The following RBFOX1 variants were observed in gnomAD, a reference collection of about 807,000 sequenced individuals.
The protein encoded by RBFOX1 is RNA binding fox-1 homolog 1.
Under a neutral mutation model 57.7 loss-of-function variants are expected in RBFOX1, and 8 were observed. The observed-to-expected ratio is 0.14, with a 90% CI of 0.08 to 0.25. RBFOX1 has a LOEUF of 0.25. Ranked by LOEUF, RBFOX1 falls within the 10% of genes least tolerant of loss-of-function variation. RBFOX1 has a pLI of 1.00. For missense variants in RBFOX1, 611 were observed against 548.5 expected (o/e 1.11, Z -1.14); for synonymous variants, 326 against 222.4 (o/e 1.47, Z -4.15).
intron 4 of RBFOX1, among the ~76,000 whole-genome samples, chr16:7,294,226 G>A (rs891102650): frequency 1.3e-5 from 2 of 151,982 alleles, no homozygotes; most frequent in African/African-American, 2.4e-5. Flanking sequence ...TGTCTCTGCC[G>A]CCTACCCTTC....
intron 2 of RBFOX1, among the ~76,000 whole-genome samples, chr16:6,593,359 C>G (rs1471009452): frequency 6.6e-6 from 1 of 152,160 alleles, no homozygotes; most frequent in Admixed American, 6.5e-5. Context: ...GGGTTAAAAT[C>G]ATGCGGAATC....
chr16:5,443,046 G>T (rs919985738), intron 1 of RBFOX1, among the ~76,000 whole-genome samples: 7 of 152,184 alleles, frequency 4.6e-5, no homozygotes, highest in African/African-American at 1.7e-4. Context: ...GAGACTGAAA[G>T]AGGCAAGGAA....
intron 4 of RBFOX1, among the ~76,000 whole-genome samples, chr16:7,157,140 C>A (rs568158778): frequency 6.6e-6 from 1 of 152,152 alleles, no homozygotes; most frequent in South Asian, 2.1e-4. Flanking sequence ...TTCTCATTGG[C>A]ACAGGATAAG....
At position 5,713,826 on chromosome 16, in the gene RBFOX1, T is replaced by A. The variant is rs539081105; in HGVS notation, c.318+114865T>A. On this transcript the variant is annotated intron_variant, in intron 3 of 19. Transcript: ENST00000641259. ...AGCTAGAACTCTGAGGGCTTGACCA[T>A]GTAGACAGTGAAGTACAAAGACTCG... Among the ~76,000 whole-genome samples the A allele has an allele frequency of 6.6e-5, 10 of 152,288 alleles. No homozygotes were observed. The East Asian group carries it at 1.9e-3, about 29-fold the overall frequency.
rs572863513 is a variant in RBFOX1, at chr16:7,397,443, G to A, written c.28-120704G>A. On this transcript the variant is annotated intron_variant, in intron 4 of 15. Coordinates refer to ENST00000550418, the MANE Select transcript of RBFOX1 (RefSeq NM_018723.4). ...GTTAATTCCTCATACTTGTCACATA[G>A]GGGGCATACTAAGTCTTCCTGAGAT... Among the ~76,000 whole-genome samples the A allele has an allele frequency of 2.0e-5, 3 of 152,206 alleles. No homozygotes were observed. The South Asian group carries it at 6.2e-4, about 32-fold the overall frequency.
At chr16:5,730,545 T>G (rs564441817) in intron 3 of RBFOX1, among the ~76,000 whole-genome samples, 2 of 152,280 alleles carry the variant, frequency 1.3e-5, no homozygotes, top group East Asian at 3.9e-4. Flanking sequence ...ATAATACTAA[T>G]AATCATCACC....
At chr16:6,858,803 G>T (rs1392975741) in intron 3 of RBFOX1, among the ~76,000 whole-genome samples, 1 of 151,924 alleles carries the variant, frequency 6.6e-6, no homozygotes, top group East Asian at 1.9e-4. Flanking sequence ...TTAGAGCAGT[G>T]GCATTCGCCT....
intron 4 of RBFOX1, among the ~76,000 whole-genome samples, chr16:5,891,938 G>T (rs151237659): frequency 1.1e-4 from 17 of 152,338 alleles, no homozygotes; most frequent in African/African-American, 4.1e-4. Flanking sequence ...TCAACAAGAA[G>T]ACGATGTCTC....
chr16:6,912,650 G>C (rs562332949), intron 3 of RBFOX1, among the ~76,000 whole-genome samples: 1 of 149,294 alleles, frequency 6.7e-6, no homozygotes, highest in Non-Finnish European at 1.5e-5. Context: ...AGGTCTCACT[G>C]TGTCATCCAG....
intron 3 of RBFOX1, among the ~76,000 whole-genome samples, chr16:5,641,807 C>T (rs909411668): frequency 6.6e-6 from 1 of 152,192 alleles, no homozygotes; most frequent in South Asian, 2.1e-4. Context: ...GTATGCTCTT[C>T]CTATGGCATT....
At chr16:7,365,951 G>A (rs17143488) in intron 4 of RBFOX1, among the ~76,000 whole-genome samples, 16,009 of 152,152 alleles carry the variant, frequency 0.11, 1,097 homozygotes, top group African/African-American at 0.2. Flanking sequence ...ATGGTGGGAA[G>A]TATGGCTGCT....
intron 4 of RBFOX1, among the ~76,000 whole-genome samples, chr16:7,230,430 A>C (rs759093073): frequency 2.2e-4 from 33 of 152,130 alleles, no homozygotes; most frequent in Non-Finnish European, 4.3e-4. Context: ...GCCTGCCTCT[A>C]AATCCCACAG....
chr16:5,496,835 A>C (rs2043017931), intron 2 of RBFOX1, among the ~76,000 whole-genome samples: 1 of 152,180 alleles, frequency 6.6e-6, no homozygotes, highest in Admixed American at 6.5e-5. Context: ...ACCACAGCCC[A>C]AGCGCTAATC....
chr16:6,515,349 T>C (rs1266315458), intron 2 of RBFOX1, among the ~76,000 whole-genome samples: 3 of 152,234 alleles, frequency 2.0e-5, no homozygotes, highest in African/African-American at 4.8e-5. Context: ...AGTCTTCTAC[T>C]CAAACAACCT....
At chr16:6,628,758 G>C (rs1417136923) in intron 2 of RBFOX1, among the ~76,000 whole-genome samples, 1 of 152,158 alleles carries the variant, frequency 6.6e-6, no homozygotes, top group East Asian at 1.9e-4. Flanking sequence ...GTAACACGAA[G>C]CTCTGTGAAG....
At chr16:6,777,842 C>T (rs899230110) in intron 3 of RBFOX1, among the ~76,000 whole-genome samples, 1 of 152,104 alleles carries the variant, frequency 6.6e-6, no homozygotes, top group Non-Finnish European at 1.5e-5. Context: ...TCACTTTTTG[C>T]ACTAAGAGTA....
At chr16:7,607,105 C>T (rs1017795254) in intron 9 of RBFOX1, among the ~76,000 whole-genome samples, 180 bp from the exon 10 acceptor site, 1 of 152,036 alleles carries the variant, frequency 6.6e-6, no homozygotes, top group Non-Finnish European at 1.5e-5. Flanking sequence ...CAAAGAAGGG[C>T]ATAAATATAT....
chr16:7,248,378 G>C (rs1330541236), intron 4 of RBFOX1, among the ~76,000 whole-genome samples: 1 of 152,142 alleles, frequency 6.6e-6, no homozygotes, highest in Non-Finnish European at 1.5e-5. Context: ...TGCCCTATGT[G>C]GGTATCAGAA....
chr16:5,691,356 C>T (rs1052446388), intron 3 of RBFOX1, among the ~76,000 whole-genome samples: 5 of 152,138 alleles, frequency 3.3e-5, no homozygotes, highest in East Asian at 1.9e-4. Context: ...GCAAGATGTA[C>T]TGGAGTGCTG....
Sources: gnomAD v4.1 joint callset for allele counts (sites outside exome capture counted in the v4.1 genomes callset) on GRCh38, gnomAD v4.1.1 for gene constraint, MANE v1.5 for transcripts, NCBI Gene and HGNC (gene_info 2026-07-23, HGNC 2026-07-21) for gene names.